CFDP1: variants seen among roughly 807,000 people sequenced by gnomAD.
The protein encoded by CFDP1 is chromatin remodeling protein CFDP1.
A neutral mutation model predicts 40.1 loss-of-function variants in CFDP1; 31 were observed. The ratio of observed to expected loss-of-function variants is 0.77; its 90% CI spans 0.58 to 1.04. The LOEUF is 1.04. Among genes scored for constraint, CFDP1 ranks in the 50% least tolerant of loss-of-function variants. The probability of loss-of-function intolerance (pLI) is 0.00; values close to 1 mark genes in which losing one functional copy is unlikely to be tolerated. For missense variants in CFDP1, 423 were observed against 343.4 expected, an observed-to-expected ratio of 1.23 and a Z score of -1.83; for synonymous variants, 167 against 120.0, an observed-to-expected ratio of 1.39 and a Z score of -2.56.
In CFDP1 at chr16:75,398,521, AGCTTCCACCTGGCAT is replaced by A. The variant is rs950736064; in HGVS notation, c.531-3327_531-3313del. ...CAGGCTAGCAAATAAAAGATAATACAGCTTCCACCTGGCATGCTTCCACCTGGCATGCTCTGTCTG... is the reference window on the plus strand; with the variant it reads ...CAGGCTAGCAAATAAAAGATAATACAGCTTCCACCTGGCATGCTCTGTCTG... On this transcript the variant is annotated intron_variant, in intron 4 of 6. Transcript: ENST00000283882. 7.8e-4 allele frequency among the ~76,000 whole-genome samples: 118 copies of A among 152,240 alleles called. 1 individual carries two copies. The highest frequency in any genetic ancestry group is 2.7e-3 in the African/African-American group (112 of 41,528).
At chr16:75,425,752 G>A (rs1441777544) in intron 1 of CFDP1, among the ~76,000 whole-genome samples, 1 of 151,868 alleles carries the variant, frequency 6.6e-6, no homozygotes, top group Non-Finnish European at 1.5e-5. Context: ...AGTAAATGCT[G>A]GCCGGGCACG....
At chr16:75,365,892 G>A (rs1462914395) in intron 5 of CFDP1, among the ~76,000 whole-genome samples, 1 of 152,184 alleles carries the variant, frequency 6.6e-6, no homozygotes, top group African/African-American at 2.4e-5. Flanking sequence ...ACTACCAGCT[G>A]TTCATGAGGA....
intron 5 of CFDP1, among the ~76,000 whole-genome samples, chr16:75,382,853 C>T (rs370311378): frequency 2.6e-5 from 4 of 152,322 alleles, no homozygotes; most frequent in African/African-American, 9.6e-5. Context: ...TTTGTTTCCA[C>T]TTCCTACAGG....
intron 5 of CFDP1, among the ~76,000 whole-genome samples, chr16:75,318,533 G>A (rs2078340272): frequency 6.6e-6 from 1 of 151,554 alleles, no homozygotes; most frequent in African/African-American, 2.4e-5. Context: ...AGCCTCCCCA[G>A]CAGCTGGGAC....
chr16:75,430,890 G>A (rs985477176), intron 1 of CFDP1, among the ~76,000 whole-genome samples: 1 of 152,204 alleles, frequency 6.6e-6, no homozygotes. Flanking sequence ...CAATGAGGCA[G>A]GTTCAGCCCC....
At chr16:75,419,026 C>A in intron 1 of CFDP1, 1 of 388,634 alleles carries the variant, frequency 2.6e-6, no homozygotes, top group Non-Finnish European at 5.3e-6. Flanking sequence ...ACCTGTAGTT[C>A]CATCTACTGG....
At chr16:75,364,791 C>A (rs1430488661) in intron 5 of CFDP1, among the ~76,000 whole-genome samples, 1 of 152,120 alleles carries the variant, frequency 6.6e-6, no homozygotes, top group Non-Finnish European at 1.5e-5. Flanking sequence ...GTTTTAATTT[C>A]TACTACTGTA....
At chr16:75,381,974 G>C (rs919029586) in intron 5 of CFDP1, among the ~76,000 whole-genome samples, 1 of 152,092 alleles carries the variant, frequency 6.6e-6, no homozygotes, top group African/African-American at 2.4e-5. Context: ...CAATTAGCCA[G>C]GCATGGTGGT....
At chr16:75,332,131 A>G (rs75877925) in intron 5 of CFDP1, among the ~76,000 whole-genome samples, 2,356 of 152,226 alleles carry the variant, frequency 0.015, 57 homozygotes, top group African/African-American at 0.053. Context: ...TTTTTTTGCC[A>G]TTTAGAAAAC....
intron 5 of CFDP1, among the ~76,000 whole-genome samples, chr16:75,339,767 G>A (rs1047909602): frequency 3.9e-5 from 6 of 152,164 alleles, no homozygotes; most frequent in African/African-American, 1.4e-4. Context: ...TACATGTGAT[G>A]CATGTTCAGT....
intron 4 of CFDP1, among the ~76,000 whole-genome samples, chr16:75,404,703 TA>T (rs959392870): frequency 2.0e-3 from 281 of 138,990 alleles, no homozygotes; most frequent in Admixed American, 2.0e-3. Flanking sequence ...CCTGGACTCT[TA>T]AAAAAAAAAA....
chr16:75,365,457 G>A (rs1269088240), intron 5 of CFDP1, among the ~76,000 whole-genome samples: 1 of 152,176 alleles, frequency 6.6e-6, no homozygotes, highest in East Asian at 1.9e-4. Flanking sequence ...GGCACAGACG[G>A]ACTAAAACTT....
chr16:75,335,619 C>T (rs1174719385), intron 5 of CFDP1, among the ~76,000 whole-genome samples: 9 of 149,438 alleles, frequency 6.0e-5, no homozygotes, highest in Admixed American at 3.3e-4. Flanking sequence ...TGCAGTGGCA[C>T]GATCTCGGCT....
At chr16:75,423,509 G>A (rs1412947586) in intron 1 of CFDP1, among the ~76,000 whole-genome samples, 3 of 151,562 alleles carry the variant, frequency 2.0e-5, no homozygotes, top group Admixed American at 1.3e-4. Flanking sequence ...CCACGTTGGC[G>A]AGGTTGGTTT....
At chr16:75,325,628 A>G (rs1443703878) in intron 5 of CFDP1, among the ~76,000 whole-genome samples, 2 of 152,214 alleles carry the variant, frequency 1.3e-5, no homozygotes, top group African/African-American at 4.8e-5. Flanking sequence ...ACGAATGTCT[A>G]TTTTGTTCAC....
chr16:75,422,656 A>C (rs761794653), intron 1 of CFDP1, among the ~76,000 whole-genome samples: 9 of 151,814 alleles, frequency 5.9e-5, no homozygotes, highest in African/African-American at 1.9e-4. Flanking sequence ...CAGCCTCCCA[A>C]AGTGCTGGGA....
chr16:75,350,533 T>C (rs534786646), intron 5 of CFDP1, among the ~76,000 whole-genome samples: 38 of 152,324 alleles, frequency 2.5e-4, no homozygotes, highest in Middle Eastern at 6.8e-3. Context: ...TTTAAATTAT[T>C]ACAGACATTT....
At chr16:75,294,961 T>A (rs547846053) in intron 6 of CFDP1, among the ~76,000 whole-genome samples, 3 of 152,204 alleles carry the variant, frequency 2.0e-5, no homozygotes, top group African/African-American at 7.2e-5. Flanking sequence ...CTCCTCACCA[T>A]AAAGCGTGCT....
intron 4 of CFDP1, among the ~76,000 whole-genome samples, chr16:75,399,932 T>C (rs1259031592): frequency 6.6e-6 from 1 of 151,384 alleles, no homozygotes; most frequent in Non-Finnish European, 1.5e-5. Context: ...AGAAACCCCA[T>C]CTCTATCAAA....
Sources: gnomAD v4.1 joint callset for allele counts (sites outside exome capture counted in the v4.1 genomes callset) on GRCh38, gnomAD v4.1.1 for gene constraint, MANE v1.5 for transcripts, NCBI Gene and HGNC (gene_info 2026-07-23, HGNC 2026-07-21) for gene names.